OTOGL: variants seen among roughly 807,000 people sequenced by gnomAD.
The protein encoded by OTOGL is otogelin-like protein.
In OTOGL, 285 loss-of-function variants were observed where a neutral mutation model predicts 318.5. The observed-to-expected ratio is 0.89, with a 90% confidence interval of 0.81 to 0.99. The LOEUF (loss-of-function observed/expected upper bound fraction) is 0.99, where lower values mean the gene tolerates loss of function less well. OTOGL is among the 50% of genes least tolerant of loss of function. OTOGL has a pLI of 0.00. For missense variants in OTOGL, 2,899 were observed against 2,845.6 expected (o/e 1.02, Z -0.43); for synonymous variants, 987 against 936.5 (o/e 1.05, Z -0.99).
intron 1 of OTOGL, among the ~76,000 whole-genome samples, chr12:80,129,016 G>T (rs1389627063): frequency 6.6e-6 from 1 of 152,126 alleles, no homozygotes; most frequent in African/African-American, 2.4e-5. Context: ...GCCCTGCTTT[G>T]GCTCACGCTC....
chr12:80,241,917 T>C (rs1474467722), intron 11 of OTOGL, among the ~76,000 whole-genome samples: 1 of 152,090 alleles, frequency 6.6e-6, no homozygotes, highest in Middle Eastern at 3.2e-3. Flanking sequence ...ACCACTATCA[T>C]GTCCACATTT....
chr12:80,160,339 C>T (rs1354687031), intron 1 of OTOGL, among the ~76,000 whole-genome samples: 1 of 152,048 alleles, frequency 6.6e-6, no homozygotes, highest in African/African-American at 2.4e-5. Context: ...ACAATTTATA[C>T]ATCCAACAAA....
At position 80,296,836 on chromosome 12, in the gene OTOGL, G is replaced by A; in HGVS notation, c.2938G>A (p.Asp980Asn). The change falls in exon 27 of 59, where the codon GAT (aspartate) becomes AAT (asparagine). Residue 980 changes from aspartate (D) to asparagine (N), a missense_variant. Coordinates refer to ENST00000547103, the MANE Select transcript of OTOGL (RefSeq NM_001378609.3). ...CQVFLIKSAD[D>N]SDISVIAQNK... ...ATTTGTGACATTTCAGAGTGCAGATGATTCAGATATATCTGTCATTGCCCA... is the reference window on the plus strand; with the variant it reads ...ATTTGTGACATTTCAGAGTGCAGATAATTCAGATATATCTGTCATTGCCCA... 6.7e-7 allele frequency: 1 copy of A among 1,496,606 alleles called. No homozygotes were observed. The allele number at this position is 1,496,606 out of a possible 1,614,324, so 92.7% of individuals were successfully genotyped here.
At chr12:80,137,196 A>G (rs17006413) in intron 1 of OTOGL, among the ~76,000 whole-genome samples, 3,782 of 152,258 alleles carry the variant, frequency 0.025, 157 homozygotes, top group African/African-American at 0.087. Context: ...CAAAAGCTCT[A>G]TGTGGTATTT....
At position 80,377,150 on chromosome 12, in the gene OTOGL, A is replaced by G; in HGVS notation, c.6809A>G (p.Lys2270Arg). The G allele has an allele frequency of 1.9e-6, 3 of 1,610,016 alleles. No homozygotes were observed. The highest frequency in any genetic ancestry group is 2.5e-6 in the Non-Finnish European group (3 of 1,177,608). ...ICKREERICQ[K>R]VIIKSVIRKQ... is the part of the protein sequence containing the mutation. Reference sequence around the variant, plus strand: ...AAACGAGAAGAAAGAATATGCCAGAAAGTGATCATTAAATCGGTCATAAGG... The same window carrying G: ...AAACGAGAAGAAAGAATATGCCAGAGAGTGATCATTAAATCGGTCATAAGG... Residue 2270 changes from lysine (K) to arginine (R), a missense_variant, in exon 58 of 59, where the codon AAA becomes AGA. Physicochemically the swap from Lys to Arg is conservative, Grantham distance 26 (BLOSUM62 2). This residue lies in a region of OTOGL where 289 missense variants were observed against 304.6 expected (regional missense o/e 0.95). Coordinates refer to ENST00000547103, the MANE Select transcript of OTOGL (RefSeq NM_001378609.3).
chr12:80,278,857 G>A (rs879382840), intron 25 of OTOGL, among the ~76,000 whole-genome samples, 171 bp from the exon 26 acceptor site: 2 of 151,482 alleles, frequency 1.3e-5, no homozygotes, highest in Non-Finnish European at 3.0e-5. Context: ...AGTGAAAAAC[G>A]TATGCCTAAT....
At chr12:80,238,801 TATG>T (rs1309189531) in intron 9 of OTOGL, 47 bp from the exon 10 acceptor site, 1 of 1,377,888 alleles carries the variant, frequency 7.3e-7, no homozygotes, top group African/African-American at 1.5e-5. Flanking sequence ...TGGAAAATGA[TATG>T]ATTACACCTA....
At chr12:80,145,139 T>C (rs890217831) in intron 1 of OTOGL, among the ~76,000 whole-genome samples, 4 of 151,508 alleles carry the variant, frequency 2.6e-5, no homozygotes, top group Non-Finnish European at 4.4e-5. Context: ...CCCATGCCTA[T>C]GTCCTGAATG....
At position 80,204,091 on chromosome 12, in the gene OTOGL, C is replaced by T. The variant is rs978707620; in HGVS notation, c.-19-5322C>T. On this transcript the variant is annotated intron_variant, in intron 1 of 58. Coordinates refer to ENST00000547103, the MANE Select transcript of OTOGL (RefSeq NM_001378609.3). ...TGTAACTCAGTAAGACTCTAATTCA[C>T]GCTGGGGGTATGGGAAGAGGTCATG... is the stretch of plus-strand genomic sequence containing the variant. Among the ~76,000 whole-genome samples, 12 of 152,224 alleles carry T rather than the reference C, an allele frequency of 7.9e-5. No homozygotes were observed. In the East Asian group the frequency reaches 2.3e-3, roughly 29 times the overall value.
chr12:80,207,897 T>C (rs1332010255), intron 1 of OTOGL, among the ~76,000 whole-genome samples: 1 of 152,208 alleles, frequency 6.6e-6, no homozygotes, highest in East Asian at 1.9e-4. Context: ...AACTAATATT[T>C]GGAATGTAAT....
At chr12:80,313,672 A>G in intron 31 of OTOGL, 40 bp downstream of exon 31, 1 of 1,484,228 alleles carries the variant, frequency 6.7e-7, no homozygotes, top group Non-Finnish European at 9.2e-7. Flanking sequence ...TAGAGAACTG[A>G]TAAAGAGATA....
At chr12:80,346,388 GA>G (rs1889197596) in intron 44 of OTOGL, among the ~76,000 whole-genome samples, 2 of 151,262 alleles carry the variant, frequency 1.3e-5, no homozygotes, top group South Asian at 4.2e-4. Context: ...AGAAAGTTAA[GA>G]ACTAAAAAAA....
At chr12:80,298,747 G>C (rs987651478) in intron 27 of OTOGL, among the ~76,000 whole-genome samples, 32 of 152,172 alleles carry the variant, frequency 2.1e-4, no homozygotes, top group Admixed American at 4.6e-4. Flanking sequence ...GACAGTGGAT[G>C]GAGGGAGTGG....
At chr12:80,105,933 C>T (rs150684105) in intron 1 of OTOGL, among the ~76,000 whole-genome samples, 16 of 152,258 alleles carry the variant, frequency 1.1e-4, no homozygotes, top group Middle Eastern at 3.4e-3. Flanking sequence ...CAACCATTTA[C>T]GGATAAAAAC....
At chr12:80,314,422 A>G (rs1007905248) in intron 32 of OTOGL, 91 bp downstream of exon 32, 2 of 420,142 alleles carry the variant, frequency 4.8e-6, no homozygotes, top group Non-Finnish European at 7.8e-6. Flanking sequence ...TGCTGTGAAC[A>G]AACTATAAAT....
chr12:80,166,109 T>C (rs1410888654), intron 1 of OTOGL, among the ~76,000 whole-genome samples: 1 of 152,114 alleles, frequency 6.6e-6, no homozygotes, highest in Non-Finnish European at 1.5e-5. Flanking sequence ...CTTTTTATTG[T>C]TGCTATTTGT....
chr12:80,202,442 T>C (rs1876525144), intron 1 of OTOGL, among the ~76,000 whole-genome samples: 2 of 151,948 alleles, frequency 1.3e-5, no homozygotes, highest in African/African-American at 4.8e-5. Flanking sequence ...GGCTAATTTT[T>C]TTGTATTTTT....
chr12:80,292,478 C>G (rs1199929474), intron 26 of OTOGL, among the ~76,000 whole-genome samples: 1 of 152,184 alleles, frequency 6.6e-6, no homozygotes. Flanking sequence ...AGTTTTCTCT[C>G]TAGTCTGATG....
In OTOGL at chr12:80,156,358, G is replaced by C. The variant is rs115974563; in HGVS notation, c.-19-53055G>C. 6.6e-3 allele frequency among the ~76,000 whole-genome samples: 1,000 copies of C among 152,254 alleles called. 12 individuals carry two copies. The highest frequency in any genetic ancestry group is 0.023 in the African/African-American group (957 of 41,544). On this transcript the variant is annotated intron_variant, in intron 1 of 58. Transcript: ENST00000547103. ...CTTCTCAGCTTACAGACAGCCTATT[G>C]TGGGACCTCACCTTGTGGTCACGTG...
Sources: allele counts gnomAD v4.1 joint callset (sites outside exome capture counted in the v4.1 genomes callset), GRCh38; gene constraint gnomAD v4.1.1; regional missense constraint gnomAD v4.1.1; transcripts MANE v1.5; gene names NCBI Gene and HGNC (gene_info 2026-07-23, HGNC 2026-07-21).